Variants in SLC7A1 observed in about 807,000 individuals in gnomAD.
SLC7A1 encodes the protein solute carrier family 7 member 1, also known as high affinity cationic amino acid transporter 1.
A neutral mutation model predicts 53.9 loss-of-function variants in SLC7A1; 10 were observed. The ratio of observed to expected loss-of-function variants is 0.19; its 90% confidence interval spans 0.11 to 0.31. The LOEUF (loss-of-function observed/expected upper bound fraction) is 0.31. Ranked by LOEUF, SLC7A1 falls within the 10% of genes least tolerant of loss-of-function variation. The pLI is 1.00. For synonymous variants in SLC7A1, 342 were observed against 338.7 expected (o/e 1.01, Z -0.11); for missense variants, 525 against 827.2 (o/e 0.63, Z 4.48).
At chr13:29,587,877 GGGT>G (rs1054233401) in intron 1 of SLC7A1, among the ~76,000 whole-genome samples, 1 of 152,184 alleles carries the variant, frequency 6.6e-6, no homozygotes, top group African/African-American at 2.4e-5. Context: ...ACTAGTGTGT[GGGT>G]GGTGGAGGGA....
At chr13:29,542,221 G>A (rs770541702) in intron 2 of SLC7A1, among the ~76,000 whole-genome samples, 1 of 152,268 alleles carries the variant, frequency 6.6e-6, no homozygotes, top group East Asian at 1.9e-4. Context: ...TTGGGAGGCC[G>A]AGGTGGGTGG....
intron 5 of SLC7A1, among the ~76,000 whole-genome samples, chr13:29,529,257 T>C (rs1163866398): frequency 6.6e-6 from 1 of 152,208 alleles, no homozygotes; most frequent in Admixed American, 6.5e-5. Flanking sequence ...TGCCATAGTT[T>C]CCTGTTTCCA....
At chr13:29,522,745 T>G (rs992680840) in intron 7 of SLC7A1, among the ~76,000 whole-genome samples, 1 of 152,244 alleles carries the variant, frequency 6.6e-6, no homozygotes, top group African/African-American at 2.4e-5. Context: ...AAACTGTATT[T>G]ATTCCTGCAA....
At chr13:29,536,347 A>C in intron 2 of SLC7A1, 145 bp from the exon 3 acceptor site, 1 of 867,330 alleles carries the variant, frequency 1.2e-6, no homozygotes, top group Non-Finnish European at 1.8e-6. Flanking sequence ...GAATTCCACC[A>C]TCAATTGTCA....
intron 8 of SLC7A1, 117 bp from the exon 9 acceptor site, chr13:29,519,666 C>T: frequency 1.7e-6 from 1 of 595,842 alleles, no homozygotes; most frequent in Non-Finnish European, 3.0e-6. Context: ...ACTCCCACCC[C>T]CTCCCTGGCC....
intron 1 of SLC7A1, among the ~76,000 whole-genome samples, chr13:29,569,818 C>A (rs1307590281): frequency 6.6e-6 from 1 of 152,188 alleles, no homozygotes; most frequent in African/African-American, 2.4e-5. Flanking sequence ...GAACACTGAA[C>A]CTCAAAGAGT....
At chr13:29,555,628 G>T (rs532488302) in intron 1 of SLC7A1, among the ~76,000 whole-genome samples, 3 of 151,418 alleles carry the variant, frequency 2.0e-5, no homozygotes, top group African/African-American at 7.3e-5. Context: ...AAGGGGCCAT[G>T]ATTGGGATTC....
At chr13:29,594,999 C>A (rs1325946161) in intron 1 of SLC7A1, among the ~76,000 whole-genome samples, 1 of 151,920 alleles carries the variant, frequency 6.6e-6, no homozygotes, top group African/African-American at 2.4e-5. Flanking sequence ...GGTCTCCTCG[C>A]CGCCGGCGGG....
At chr13:29,575,606 C>T (rs1387794113) in intron 1 of SLC7A1, among the ~76,000 whole-genome samples, 3 of 152,166 alleles carry the variant, frequency 2.0e-5, no homozygotes, top group Admixed American at 2.0e-4. Context: ...CTTCTGCCCC[C>T]GAATCCCGTA....
chr13:29,564,402 T>C (rs1364118846), intron 1 of SLC7A1, among the ~76,000 whole-genome samples: 1 of 152,180 alleles, frequency 6.6e-6, no homozygotes, highest in Non-Finnish European at 1.5e-5. Context: ...GTTATACAGC[T>C]GTTACAATTG....
chr13:29,564,562 C>G (rs1208870845), intron 1 of SLC7A1, among the ~76,000 whole-genome samples: 1 of 152,146 alleles, frequency 6.6e-6, no homozygotes, highest in Non-Finnish European at 1.5e-5. Context: ...TAATAGCTCC[C>G]CTAGGGCAAG....
At position 29,514,220 on chromosome 13, in the gene SLC7A1, G is replaced by A; in HGVS notation, c.*260C>T. The A allele has an allele frequency of 1.9e-6, 1 of 525,694 alleles. No homozygotes were observed. The highest frequency in any genetic ancestry group is 2.4e-5 in the South Asian group (1 of 42,166). 32.6% of individuals were successfully genotyped at this position (525,694 alleles called of 1,614,324 possible). ...GGTAGGGGAGGAACTGCTTTGTTCA[G>A]AGAAGTGAGGAGACACAGTGGCCAG... On this transcript the variant is annotated 3_prime_UTR_variant, in exon 13 of 13. Transcript: ENST00000380752.
At chr13:29,592,132 C>A (rs1378852262) in intron 1 of SLC7A1, among the ~76,000 whole-genome samples, 1 of 152,212 alleles carries the variant, frequency 6.6e-6, no homozygotes, top group African/African-American at 2.4e-5. Context: ...AAAGAAGCAT[C>A]CTTCGTTTCA....
Position 29,532,903 on chromosome 13 carries a change from T to C in SLC7A1, c.450A>G (p.Thr150=), listed in dbSNP as rs1350834847. Residue 150 remains threonine, a synonymous_variant, in exon 4 of 13, where the codon ACA becomes ACG. Coordinates refer to ENST00000380752, the MANE Select transcript of SLC7A1 (RefSeq NM_003045.5). Reference sequence around the variant, plus strand: ...CGCCGGGGGCGTTCAGAGTCATGTGTGTCCGTGAGAACTCCCCGATGGGTC... The same window carrying C: ...CGCCGGGGGCGTTCAGAGTCATGTGCGTCCGTGAGAACTCCCCGATGGGTC... ...IGRPIGEFSR[T]HMTLNAPGVL... The C allele has an allele frequency of 6.2e-7, 1 of 1,614,170 alleles. No homozygotes were observed. The highest frequency in any genetic ancestry group is 2.2e-5 in the East Asian group (1 of 44,882).
At position 29,532,941 on chromosome 13, in the gene SLC7A1, C is replaced by T. The variant is rs752833100; in HGVS notation, c.412G>A (p.Glu138Lys). ...TCCCCGATGGGTCTGCCTATCAGCTCGTCGAAGGTGGCGCTCCAGGCCCTC... is the reference window on the plus strand; with the variant it reads ...TCCCCGATGGGTCTGCCTATCAGCTTGTCGAAGGTGGCGCTCCAGGCCCTC... ...VARAWSATFD[E>K]LIGRPIGEFS... The change falls in exon 4 of 13, where the codon GAG (glutamate) becomes AAG (lysine). Residue 138 changes from glutamate (E) to lysine (K), a missense_variant. Transcript: ENST00000380752. 5 of 1,613,994 alleles carry T rather than the reference C, an allele frequency of 3.1e-6. No homozygotes were observed. The highest frequency in any genetic ancestry group is 3.4e-6 in the Non-Finnish European group (4 of 1,179,952).
At chr13:29,533,163 C>T (rs999924980) in intron 3 of SLC7A1, among the ~76,000 whole-genome samples, 181 bp from the exon 4 acceptor site, 4 of 152,138 alleles carry the variant, frequency 2.6e-5, no homozygotes, top group African/African-American at 7.2e-5. Flanking sequence ...GTGCTAAGTG[C>T]GAGAAGGCTT....
intron 1 of SLC7A1, among the ~76,000 whole-genome samples, chr13:29,564,875 C>A (rs190675577): frequency 1.3e-5 from 2 of 152,312 alleles, no homozygotes; most frequent in East Asian, 1.9e-4. Context: ...TAGATAATTT[C>A]TTTGAATAAA....
At chr13:29,519,639 C>T (rs1006638085) in intron 8 of SLC7A1, 90 bp from the exon 9 acceptor site, 3 of 750,772 alleles carry the variant, frequency 4.0e-6, no homozygotes, top group African/African-American at 1.7e-5. Context: ...TCCAGGGCAG[C>T]GAAGGGGGCT....
In SLC7A1 at chr13:29,595,417, A is replaced by T. The variant is rs1418505018; in HGVS notation, c.-116T>A. On this transcript the variant is annotated splice_region_variant and 5_prime_UTR_variant, in exon 1 of 13. An upstream open reading frame in the 5' UTR gains an earlier in-frame stop. Coordinates refer to ENST00000380752, the MANE Select transcript of SLC7A1 (RefSeq NM_003045.5). ...GCGTTGGCGGGGCCGGGCACTCACCAAGCCGGCGGCGGCGGGGCTCCGGCA... is the reference window on the plus strand; with the variant it reads ...GCGTTGGCGGGGCCGGGCACTCACCTAGCCGGCGGCGGCGGGGCTCCGGCA... 1.3e-5 allele frequency: 2 copies of T among 151,580 alleles called. No individual in the cohort carries two copies. The highest frequency in any genetic ancestry group is 2.9e-5 in the Non-Finnish European group (2 of 68,006). 9.4% of individuals were successfully genotyped at this position (151,580 alleles called of 1,614,324 possible).
Sources: allele counts gnomAD v4.1 joint callset (sites outside exome capture counted in the v4.1 genomes callset), GRCh38; gene constraint gnomAD v4.1.1; transcripts MANE v1.5; gene names NCBI Gene and HGNC (gene_info 2026-07-23, HGNC 2026-07-21).